Variants in AGPS observed in about 807,000 individuals in gnomAD.
The protein encoded by AGPS is alkylglycerone phosphate synthase, also known as alkyldihydroxyacetonephosphate synthase, peroxisomal.
In AGPS, 26 loss-of-function variants were observed where a neutral mutation model predicts 90.7. That is an observed-to-expected ratio of 0.29 (90% CI 0.21 to 0.40). The LOEUF (loss-of-function observed/expected upper bound fraction) is 0.40, where lower values mean the gene tolerates loss of function less well. Among genes scored for constraint, AGPS ranks in the 10% least tolerant of loss-of-function variants. AGPS has a pLI of 1.00. For missense variants in AGPS, 540 were observed against 816.1 expected, an observed-to-expected ratio of 0.66 and a Z score of 4.12; for synonymous variants, 294 against 285.3, an observed-to-expected ratio of 1.03 and a Z score of -0.31.
chr2:177,470,827 A>G (rs1687596812), intron 10 of AGPS, among the ~76,000 whole-genome samples: 1 of 152,216 alleles, frequency 6.6e-6, no homozygotes, highest in Admixed American at 6.5e-5. Flanking sequence ...ATAAAAGAGC[A>G]TGAACCATGA....
intron 2 of AGPS, among the ~76,000 whole-genome samples, chr2:177,430,080 C>T (rs542075500): frequency 6.6e-6 from 1 of 152,328 alleles, no homozygotes; most frequent in Admixed American, 6.5e-5. Flanking sequence ...CACAATCTGG[C>T]ATAGCAGCTG....
intron 12 of AGPS, among the ~76,000 whole-genome samples, chr2:177,493,837 A>T (rs936455646): frequency 2.6e-5 from 4 of 152,188 alleles, no homozygotes; most frequent in African/African-American, 9.7e-5. Context: ...ACACTAGGAG[A>T]TGAAACAGCT....
At chr2:177,434,997 G>GGGTATA (rs36151985) in intron 3 of AGPS, among the ~76,000 whole-genome samples, 45,587 of 127,912 alleles carry the variant, frequency 0.36, 8,841 homozygotes, top group Admixed American at 0.45. Flanking sequence ...TAAACTGTAG[G>GGGTATA]TATATATATA....
chr2:177,456,886 T>G (rs1687133616), intron 8 of AGPS, among the ~76,000 whole-genome samples: 1 of 152,144 alleles, frequency 6.6e-6, no homozygotes, highest in Non-Finnish European at 1.5e-5. Flanking sequence ...CAACAGAATA[T>G]GTATTCTTCT....
chr2:177,449,183 A>G (rs1260271494), intron 8 of AGPS, among the ~76,000 whole-genome samples: 1 of 152,184 alleles, frequency 6.6e-6, no homozygotes, highest in Non-Finnish European at 1.5e-5. Flanking sequence ...AGACATATAC[A>G]TTTGTTTCCT....
At chr2:177,535,911 T>G (rs80276864) in intron 19 of AGPS, among the ~76,000 whole-genome samples, 1,595 of 152,252 alleles carry the variant, frequency 0.01, 36 homozygotes, top group African/African-American at 0.036. Flanking sequence ...CCTTTTTTTT[T>G]TTCTACTTTC....
chr2:177,511,336 G>A lies in AGPS; in HGVS notation c.1608-2483G>A, dbSNP rs145055856. ...TGGTCTTGAACCCCTGGGCTCAAGC[G>A]ATCCTCCTGCATTGGCCTTCGAAAG... On this transcript the variant is annotated intron_variant, in intron 16 of 19. Transcript: ENST00000264167. 7.9e-3 allele frequency among the ~76,000 whole-genome samples: 1,202 copies of A among 152,096 alleles called. 7 individuals carry two copies. The highest frequency in any genetic ancestry group is 0.014 in the Non-Finnish European group (924 of 67,986).
At chr2:177,443,449 G>A (rs1374612060) in intron 7 of AGPS, among the ~76,000 whole-genome samples, 1 of 152,096 alleles carries the variant, frequency 6.6e-6, no homozygotes, top group Non-Finnish European at 1.5e-5. Context: ...ATCTGTTGCT[G>A]CTTCTTGTCA....
intron 19 of AGPS, among the ~76,000 whole-genome samples, chr2:177,529,550 G>T (rs1435729874): frequency 1.3e-5 from 2 of 152,128 alleles, no homozygotes; most frequent in Non-Finnish European, 2.9e-5. Flanking sequence ...CCTAAATATT[G>T]AATAGAGGGT....
chr2:177,508,112 T>C, intron 16 of AGPS, 81 bp downstream of exon 16: 7 of 1,096,720 alleles, frequency 6.4e-6, no homozygotes, highest in Middle Eastern at 2.0e-4. Flanking sequence ...TGTGTGAATA[T>C]GTAAGTTTAA....
At chr2:177,437,549 G>A (rs1400519568) in intron 5 of AGPS, among the ~76,000 whole-genome samples, 1 of 152,054 alleles carries the variant, frequency 6.6e-6, no homozygotes, top group East Asian at 1.9e-4. Context: ...GCTGGGACAG[G>A]GGATGGATGA....
At chr2:177,498,630 A>T (rs1031846270) in intron 13 of AGPS, among the ~76,000 whole-genome samples, 93 of 145,636 alleles carry the variant, frequency 6.4e-4, no homozygotes, top group Admixed American at 1.3e-3. Context: ...TGAGAATTTA[A>T]AAAAAAAAAA....
intron 14 of AGPS, among the ~76,000 whole-genome samples, chr2:177,500,049 A>G (rs1688515594): frequency 6.6e-6 from 1 of 151,948 alleles, no homozygotes; most frequent in African/African-American, 2.4e-5. Flanking sequence ...TTGTTCTACT[A>G]GAGTAAAATA....
At chr2:177,429,658 G>T (rs914934946) in intron 2 of AGPS, among the ~76,000 whole-genome samples, 7 of 152,212 alleles carry the variant, frequency 4.6e-5, no homozygotes, top group African/African-American at 1.7e-4. Context: ...TGGAGGCTGT[G>T]AAACAGCAAA....
chr2:177,442,117 G>A (rs970865901), intron 6 of AGPS, among the ~76,000 whole-genome samples: 1 of 152,000 alleles, frequency 6.6e-6, no homozygotes, highest in African/African-American at 2.4e-5. Flanking sequence ...CATGTTTTTG[G>A]AGTTCCACAA....
chr2:177,491,147 C>T (rs1688244083), intron 11 of AGPS, among the ~76,000 whole-genome samples: 2 of 151,002 alleles, frequency 1.3e-5, no homozygotes, highest in South Asian at 4.2e-4. Flanking sequence ...AGCCGCCATA[C>T]CCAGCCTAGG....
intron 10 of AGPS, 30 bp from the exon 11 acceptor site, chr2:177,482,029 T>G: frequency 6.4e-7 from 1 of 1,572,876 alleles, no homozygotes; most frequent in Non-Finnish European, 8.7e-7. Flanking sequence ...TCATGTGATG[T>G]ACTGGATTAT....
intron 1 of AGPS, chr2:177,393,308 T>A (rs916179043): frequency 1.0e-6 from 1 of 985,420 alleles, no homozygotes; most frequent in Non-Finnish European, 1.2e-6. Context: ...GAGAAGGGTT[T>A]AAAGGATTCC....
chr2:177,491,974 C>A (rs1218631054), intron 11 of AGPS, among the ~76,000 whole-genome samples: 7 of 151,536 alleles, frequency 4.6e-5, no homozygotes, highest in Non-Finnish European at 1.0e-4. Context: ...TTAGTAGAGA[C>A]AAGCTTTTGC....
Sources: allele counts gnomAD v4.1 joint callset (sites outside exome capture counted in the v4.1 genomes callset), GRCh38; gene constraint gnomAD v4.1.1; transcripts MANE v1.5; gene names NCBI Gene and HGNC (gene_info 2026-07-23, HGNC 2026-07-21).